LIN7A: variants seen among roughly 807,000 people sequenced by gnomAD.
The protein encoded by LIN7A is lin-7 cell polarity scaffold A.
In LIN7A, 25 loss-of-function variants were observed where a neutral mutation model predicts 29.8. The observed-to-expected ratio is 0.84, with a 90% CI of 0.61 to 1.17. LIN7A has a LOEUF of 1.17. Ranked by LOEUF, LIN7A falls within the 50% of genes most tolerant of loss-of-function variation. The pLI is 0.00. For synonymous variants in LIN7A, 118 were observed against 107.5 expected, an observed-to-expected ratio of 1.10 and a Z score of -0.60; for missense variants, 239 against 287.0, an observed-to-expected ratio of 0.83 and a Z score of 1.21.
At chr12:80,832,557 G>A (rs774147442) in intron 4 of LIN7A, 1 of 478,064 alleles carries the variant, frequency 2.1e-6, no homozygotes, top group Middle Eastern at 3.3e-4. Flanking sequence ...GAATCAGAAG[G>A]AGCCTGGACT....
rs76034031 is a variant in LIN7A, at chr12:80,864,762, A to G, written c.202-16440T>C. 6.6e-3 allele frequency among the ~76,000 whole-genome samples: 1,013 copies of G among 152,332 alleles called. 9 individuals are homozygous for G. Among genetic ancestry groups the G allele is most frequent in the African/African-American group, 0.023 (962 of 41,574 alleles). ...ATATTTCATAAGACATTTTCTCTCTAAAAGAGAAAGTAGGTCAGTTTTATC... is the reference window on the plus strand; with the variant it reads ...ATATTTCATAAGACATTTTCTCTCTGAAAGAGAAAGTAGGTCAGTTTTATC... On this transcript the variant is annotated intron_variant, in intron 2 of 5. Coordinates refer to ENST00000552864, the MANE Select transcript of LIN7A (RefSeq NM_004664.4).
intron 1 of LIN7A, among the ~76,000 whole-genome samples, chr12:80,923,137 G>T (rs1307480938): frequency 6.6e-6 from 1 of 152,148 alleles, no homozygotes; most frequent in Non-Finnish European, 1.5e-5. Context: ...GAAGAAAGGC[G>T]AACTTGCACT....
At chr12:80,839,081 G>A (rs1872699697) in intron 4 of LIN7A, among the ~76,000 whole-genome samples, 2 of 152,092 alleles carry the variant, frequency 1.3e-5, no homozygotes, top group Admixed American at 6.6e-5. Flanking sequence ...CTTTTTAAAG[G>A]TCAAAGTCTC....
intron 1 of LIN7A, among the ~76,000 whole-genome samples, chr12:80,930,397 G>T (rs1046541825): frequency 6.6e-6 from 1 of 152,034 alleles, no homozygotes; most frequent in Non-Finnish European, 1.5e-5. Context: ...CTAAGGCATG[G>T]ATGAAATTAA....
intron 1 of LIN7A, chr12:80,937,318 G>A: frequency 6.9e-6 from 2 of 290,034 alleles, no homozygotes; most frequent in East Asian, 5.8e-5. Context: ...GGCGCCTATA[G>A]CCGTCCCCGC....
chr12:80,861,934 T>A (rs776264478), intron 2 of LIN7A, among the ~76,000 whole-genome samples: 1 of 152,258 alleles, frequency 6.6e-6, no homozygotes, highest in Non-Finnish European at 1.5e-5. Context: ...CTTAAAATAT[T>A]GTGAACACTT....
Position 80,841,830 on chromosome 12 carries a change from A to G in LIN7A, c.483+3900T>C, listed in dbSNP as rs1307250698. On this transcript the variant is annotated intron_variant, in intron 4 of 5. Coordinates refer to ENST00000552864, the MANE Select transcript of LIN7A (RefSeq NM_004664.4). ...ATTGCGGAGAAAACACTTGAGCATA[A>G]AAGGGTGAAAAGGAGATCATTAGAA... The G allele has an allele frequency of 5.4e-6, 5 of 933,902 alleles. No homozygotes were observed. The East Asian group carries it at 5.4e-4, about 102-fold the overall frequency. The allele number at this position is 933,902 out of a possible 1,614,324, so 57.9% of individuals were successfully genotyped here.
At chr12:80,839,247 A>G (rs1872705205) in intron 4 of LIN7A, among the ~76,000 whole-genome samples, 1 of 152,232 alleles carries the variant, frequency 6.6e-6, no homozygotes, top group Non-Finnish European at 1.5e-5. Flanking sequence ...ATTATGATTA[A>G]TAAGGCTAGA....
intron 1 of LIN7A, among the ~76,000 whole-genome samples, chr12:80,902,423 G>A (rs570405220): frequency 1.1e-3 from 165 of 151,962 alleles, no homozygotes; most frequent in African/African-American, 3.7e-3. Context: ...AGTTTGAGAC[G>A]AATAGAAATG....
At chr12:80,807,672 C>T (rs573124098) in intron 5 of LIN7A, among the ~76,000 whole-genome samples, 26 of 152,144 alleles carry the variant, frequency 1.7e-4, no homozygotes, top group African/African-American at 5.8e-4. Flanking sequence ...AGGAATAATG[C>T]GTTGTCATTA....
At chr12:80,815,903 G>A (rs1044146628) in intron 4 of LIN7A, among the ~76,000 whole-genome samples, 1 of 151,956 alleles carries the variant, frequency 6.6e-6, no homozygotes, top group Non-Finnish European at 1.5e-5. Flanking sequence ...GTATATAGTA[G>A]GTACCCAGGA....
In LIN7A at chr12:80,850,855, T is replaced by C. The variant is rs536451901; in HGVS notation, c.202-2533A>G. Among the ~76,000 whole-genome samples the C allele has an allele frequency of 5.9e-5, 9 of 152,302 alleles. No homozygotes were observed. In the East Asian group the frequency reaches 9.6e-4, roughly 16 times the overall value. On this transcript the variant is annotated intron_variant, in intron 2 of 5. Coordinates refer to ENST00000552864, the MANE Select transcript of LIN7A (RefSeq NM_004664.4). ...GGAGTAAATTACCATAATTCTGGTA[T>C]ATATTTAATGAGAAATCACCATGGG...
chr12:80,814,325 A>G (rs930289921), intron 4 of LIN7A, among the ~76,000 whole-genome samples: 1 of 152,202 alleles, frequency 6.6e-6, no homozygotes, highest in African/African-American at 2.4e-5. Flanking sequence ...GTTAATGCAT[A>G]TAATTTTCCT....
intron 1 of LIN7A, among the ~76,000 whole-genome samples, chr12:80,901,540 A>ATT (rs35213072): frequency 2.0e-5 from 3 of 151,802 alleles, no homozygotes; most frequent in South Asian, 2.1e-4. Flanking sequence ...AAATTGAGAG[A>ATT]TTTTTTCCCT....
At chr12:80,893,078 A>G (rs1374306231) in intron 1 of LIN7A, among the ~76,000 whole-genome samples, 2 of 152,186 alleles carry the variant, frequency 1.3e-5, no homozygotes, top group African/African-American at 4.8e-5. Flanking sequence ...AGTGATTGTT[A>G]GTTTACAGAC....
At chr12:80,903,033 T>A (rs764759489) in intron 1 of LIN7A, among the ~76,000 whole-genome samples, 4 of 151,042 alleles carry the variant, frequency 2.6e-5, no homozygotes, top group Non-Finnish European at 4.4e-5. Flanking sequence ...GTGTGTTTCT[T>A]CAATATCTAG....
At chr12:80,800,523 A>G (rs2121482025) in intron 5 of LIN7A, among the ~76,000 whole-genome samples, 1 of 147,972 alleles carries the variant, frequency 6.8e-6, no homozygotes, top group East Asian at 2.0e-4. Context: ...AAAAAAAGAC[A>G]CAATCTGCTA....
intron 4 of LIN7A, among the ~76,000 whole-genome samples, chr12:80,836,735 T>G (rs1396981447): frequency 6.6e-6 from 1 of 152,282 alleles, no homozygotes; most frequent in African/African-American, 2.4e-5. Flanking sequence ...CCTTGTTTTC[T>G]TCTTTCCCCT....
intron 2 of LIN7A, among the ~76,000 whole-genome samples, chr12:80,865,795 A>C (rs1874107477): frequency 6.6e-6 from 1 of 152,222 alleles, no homozygotes; most frequent in Non-Finnish European, 1.5e-5. Context: ...GTGGACATAC[A>C]GCCTTTCAGA....
Sources: allele counts gnomAD v4.1 joint callset (sites outside exome capture counted in the v4.1 genomes callset), GRCh38; gene constraint gnomAD v4.1.1; transcripts MANE v1.5; gene names NCBI Gene and HGNC (gene_info 2026-07-23, HGNC 2026-07-21).